SPATA17: variants seen among roughly 807,000 people sequenced by gnomAD.
SPATA17 encodes the protein spermatogenesis-associated protein 17.
Under a neutral mutation model 62.2 loss-of-function variants are expected in SPATA17, and 53 were observed. The ratio of observed to expected loss-of-function variants is 0.85; its 90% CI spans 0.68 to 1.07. The LOEUF is 1.07. Ranked by LOEUF, SPATA17 falls within the 50% of genes least tolerant of loss-of-function variation. The probability of loss-of-function intolerance (pLI) is 0.00; values close to 1 mark genes in which losing one functional copy is unlikely to be tolerated. For synonymous variants in SPATA17, 146 were observed against 146.8 expected, an observed-to-expected ratio of 0.99 and a Z score of 0.04; for missense variants, 466 against 425.5, an observed-to-expected ratio of 1.10 and a Z score of -0.84.
At chr1:217,824,495 C>T (rs1229329780) in intron 9 of SPATA17, among the ~76,000 whole-genome samples, 1 of 151,126 alleles carries the variant, frequency 6.6e-6, no homozygotes, top group African/African-American at 2.4e-5. Context: ...TTATTGATTC[C>T]ATCTTTTCTG....
At chr1:217,784,252 A>G (rs1221749803) in intron 8 of SPATA17, among the ~76,000 whole-genome samples, 2 of 152,114 alleles carry the variant, frequency 1.3e-5, no homozygotes, top group African/African-American at 4.8e-5. Flanking sequence ...ATGGTTTGTT[A>G]ATGCAGAGGG....
intron 9 of SPATA17, among the ~76,000 whole-genome samples, chr1:217,824,995 A>G (rs2102998783): frequency 6.6e-6 from 1 of 151,036 alleles, no homozygotes; most frequent in East Asian, 2.0e-4. Context: ...AAATATAAAT[A>G]CATTTATATA....
chr1:217,636,743 T>G (rs775506743), intron 1 of SPATA17, among the ~76,000 whole-genome samples: 1 of 152,198 alleles, frequency 6.6e-6, no homozygotes, highest in African/African-American at 2.4e-5. Context: ...TGTTTTTAAG[T>G]TGGATAAAGC....
chr1:217,795,868 GACTC>G (rs1674141052), intron 8 of SPATA17, among the ~76,000 whole-genome samples: 1 of 152,048 alleles, frequency 6.6e-6, no homozygotes. Flanking sequence ...GCATGATCGT[GACTC>G]ACGGCAGCTT....
At chr1:217,786,310 C>A (rs1411624971) in intron 8 of SPATA17, among the ~76,000 whole-genome samples, 1 of 152,070 alleles carries the variant, frequency 6.6e-6, no homozygotes, top group Non-Finnish European at 1.5e-5. Context: ...TTTCTCTGGT[C>A]TCTGATAATC....
intron 6 of SPATA17, among the ~76,000 whole-genome samples, chr1:217,769,074 ACATTT>A (rs1673374951): frequency 6.6e-6 from 1 of 152,150 alleles, no homozygotes; most frequent in Non-Finnish European, 1.5e-5. Flanking sequence ...ATTTTGACAA[ACATTT>A]CATTAGGATG....
chr1:217,743,682 T>G (rs1384036548), intron 6 of SPATA17, among the ~76,000 whole-genome samples: 1 of 152,028 alleles, frequency 6.6e-6, no homozygotes, highest in African/African-American at 2.4e-5. Context: ...TGATCTTGGC[T>G]CACTGCAACC....
chr1:217,699,405 G>A (rs73093600), intron 5 of SPATA17, among the ~76,000 whole-genome samples: 1,655 of 152,190 alleles, frequency 0.011, 27 homozygotes, highest in African/African-American at 0.032. Flanking sequence ...CACTCTGATA[G>A]GTATGTACTG....
intron 6 of SPATA17, among the ~76,000 whole-genome samples, chr1:217,746,241 A>C (rs1419991307): frequency 6.6e-6 from 1 of 152,052 alleles, no homozygotes. Context: ...CAAATATTCA[A>C]GTTTGAATAA....
intron 3 of SPATA17, among the ~76,000 whole-genome samples, chr1:217,663,927 G>T (rs1229480128): frequency 6.6e-6 from 1 of 152,038 alleles, no homozygotes; most frequent in African/African-American, 2.4e-5. Flanking sequence ...TGCAGTTATT[G>T]TATATTGTAC....
chr1:217,729,789 T>C (rs1299882310), intron 5 of SPATA17, among the ~76,000 whole-genome samples: 1 of 152,230 alleles, frequency 6.6e-6, no homozygotes, highest in African/African-American at 2.4e-5. Context: ...TGATATTAAC[T>C]ATTTGATCAC....
intron 5 of SPATA17, among the ~76,000 whole-genome samples, chr1:217,698,934 G>C (rs907624580): frequency 1.2e-4 from 19 of 152,164 alleles, no homozygotes; most frequent in African/African-American, 4.1e-4. Context: ...CTATAATTTT[G>C]TCATTTCAAG....
At chr1:217,865,341 G>T (rs1473288547) in intron 10 of SPATA17, among the ~76,000 whole-genome samples, 3 of 152,102 alleles carry the variant, frequency 2.0e-5, no homozygotes, top group African/African-American at 7.2e-5. Flanking sequence ...AAATAGTGAT[G>T]CCTTTATCAG....
At chr1:217,770,993 T>A (rs1482230557) in intron 6 of SPATA17, among the ~76,000 whole-genome samples, 3 of 129,018 alleles carry the variant, frequency 2.3e-5, no homozygotes, top group Non-Finnish European at 4.9e-5. Context: ...TTTTTTTTTT[T>A]TTTTTTTTTT....
chr1:217,712,128 C>CTTTTCTTTTTTT (rs551988828), intron 5 of SPATA17, among the ~76,000 whole-genome samples: 1 of 134,118 alleles, frequency 7.5e-6, no homozygotes, highest in Non-Finnish European at 1.6e-5. Context: ...ACAATATGTT[C>CTTTTCTTTTTTT]TTTTGTTTTT....
At chr1:217,780,108 A>G (rs924307304) in intron 7 of SPATA17, among the ~76,000 whole-genome samples, 16 of 152,242 alleles carry the variant, frequency 1.1e-4, no homozygotes, top group East Asian at 3.9e-4. Context: ...ACATAGATAT[A>G]TAGATATATA....
At position 217,725,501 on chromosome 1, in the gene SPATA17, C is replaced by CA. The variant is rs797022160; in HGVS notation, c.396-16473dup. Among the ~76,000 whole-genome samples the CA allele has an allele frequency of 4.1e-4, 62 of 152,242 alleles. 1 individual carries two copies. The highest frequency in any genetic ancestry group is 1.4e-3 in the African/African-American group (59 of 41,546). ...TTTTAGAGATAGAGTCTTGCTCTGT[C>CA]ACTCAGGCTAGAATGCAGTGGCAAG... On this transcript the variant is annotated intron_variant, in intron 5 of 10. Coordinates refer to ENST00000366933, the MANE Select transcript of SPATA17 (RefSeq NM_138796.4).
At chr1:217,732,778 T>C (rs1366662551) in intron 5 of SPATA17, among the ~76,000 whole-genome samples, 1 of 148,136 alleles carries the variant, frequency 6.8e-6, no homozygotes, top group Non-Finnish European at 1.5e-5. Context: ...TCTGAAAGCA[T>C]TTGGAGCCCT....
chr1:217,820,915 A>G (rs1674841893), intron 9 of SPATA17, among the ~76,000 whole-genome samples: 1 of 152,100 alleles, frequency 6.6e-6, no homozygotes, highest in Non-Finnish European at 1.5e-5. Context: ...TGCTGCTGGC[A>G]TCTGCTCAGC....
Sources: gnomAD v4.1 joint callset for allele counts (sites outside exome capture counted in the v4.1 genomes callset) on GRCh38, gnomAD v4.1.1 for gene constraint, MANE v1.5 for transcripts, NCBI Gene and HGNC (gene_info 2026-07-23, HGNC 2026-07-21) for gene names.